ALPK3: variants seen among roughly 807,000 people sequenced by gnomAD.
ALPK3 encodes alpha-protein kinase 3.
Under a neutral mutation model 140.0 loss-of-function variants are expected in ALPK3, and 102 were observed. That is an observed-to-expected ratio of 0.73 (90% CI 0.62 to 0.86). ALPK3 has a LOEUF of 0.86. Among genes scored for constraint, ALPK3 ranks in the 40% least tolerant of loss-of-function variants. ALPK3 has a pLI of 0.00. For missense variants in ALPK3, 2,254 were observed against 2,208.2 expected (o/e 1.02, Z -0.42); for synonymous variants, 938 against 898.5 (o/e 1.04, Z -0.79).
rs748981859 is a variant in ALPK3, at chr15:84,840,807, GC to G, written c.1531del (p.Gln511ArgfsTer3). 6.2e-7 allele frequency: 1 copy of G among 1,614,232 alleles called. No individual in the cohort carries two copies. The highest frequency in any genetic ancestry group is 8.5e-7 in the Non-Finnish European group (1 of 1,180,038). ...TCTGAGTCAAGCTCCAGAATGCGGG[GC>G]CCAGAGCTTAGGAAAGGCCCCACCT... The part of the protein sequence containing the change: ...SSLSQAPECG[A>X]QSLGKAPPQA... On this transcript the variant is annotated frameshift_variant, in exon 5 of 14. Coordinates refer to ENST00000258888, the MANE Select transcript of ALPK3 (RefSeq NM_020778.5). LOFTEE classifies it high-confidence loss of function.
chr15:84,817,644 G>A (rs1219835004), intron 1 of ALPK3, 49 bp downstream of exon 1: 3 of 1,456,724 alleles, frequency 2.1e-6, no homozygotes, highest in Non-Finnish European at 2.7e-6. Context: ...GATGCCCTGG[G>A]ATCAGTCCCT....
chr15:84,836,948 G>C (rs1355870817), intron 3 of ALPK3, among the ~76,000 whole-genome samples: 1 of 152,214 alleles, frequency 6.6e-6, no homozygotes. Context: ...CAGCCAGAAA[G>C]AGCGGTGTCC....
At position 84,856,516 on chromosome 15, in the gene ALPK3, A is replaced by G; in HGVS notation, c.1778A>G (p.Gln593Arg). 6.2e-7 allele frequency: 1 copy of G among 1,614,186 alleles called. No homozygotes were observed. Residue 593 changes from glutamine to arginine, a missense_variant, in exon 6 of 14, where the codon CAG becomes CGG. Coordinates refer to ENST00000258888, the MANE Select transcript of ALPK3 (RefSeq NM_020778.5). ...ATTGAACCCATGGATATGGAAACCC[A>G]GGAGGATGGGAGAACATCTGCTAAC... The part of the protein sequence containing the change: ...GIIEPMDMET[Q>R]EDGRTSANQR...
At chr15:84,852,535 GC>G in intron 5 of ALPK3, 1 of 298,668 alleles carries the variant, frequency 3.3e-6, no homozygotes, top group Non-Finnish European at 6.6e-6. Flanking sequence ...ACCATCGAGT[GC>G]CATGGCATCC....
At chr15:84,853,507 G>A (rs1383555509) in intron 5 of ALPK3, among the ~76,000 whole-genome samples, 2 of 152,178 alleles carry the variant, frequency 1.3e-5, no homozygotes, top group African/African-American at 4.8e-5. Context: ...CCAGCTACTC[G>A]GGAGGCTAAG....
Position 84,857,951 on chromosome 15 carries a change from C to T in ALPK3, c.3213C>T (p.Val1071=). Residue 1071 remains valine, a synonymous_variant, in exon 6 of 14, where the codon GTC becomes GTT. Coordinates refer to ENST00000258888, the MANE Select transcript of ALPK3 (RefSeq NM_020778.5). ...SWGPGPSSLT[V]PAIVVDEEDP... ...GTCCTGGTCCCAGCTCCCTCACTGTCCCTGCCATTGTGGTAGACGAGGAGG... is the reference window on the plus strand; with the variant it reads ...GTCCTGGTCCCAGCTCCCTCACTGTTCCTGCCATTGTGGTAGACGAGGAGG... 1.2e-6 allele frequency: 2 copies of T among 1,609,580 alleles called. No homozygotes were observed. The highest frequency in any genetic ancestry group is 1.7e-6 in the Non-Finnish European group (2 of 1,178,366).
At chr15:84,856,162 T>C (rs1018672948) in intron 5 of ALPK3, among the ~76,000 whole-genome samples, 14 of 152,252 alleles carry the variant, frequency 9.2e-5, no homozygotes, top group African/African-American at 3.1e-4. Flanking sequence ...TGCTAGATAT[T>C]CCCCAGTCCA....
At chr15:84,822,951 G>A (rs1034463670) in intron 1 of ALPK3, among the ~76,000 whole-genome samples, 4 of 152,250 alleles carry the variant, frequency 2.6e-5, no homozygotes, top group African/African-American at 7.2e-5. Flanking sequence ...GCCAAGAATT[G>A]AAGCAGGAGC....
rs1389788696 is a variant in ALPK3, at chr15:84,840,698, G to A, written c.1419G>A (p.Gln473=). 6 of 1,609,986 alleles carry A rather than the reference G, an allele frequency of 3.7e-6. No individual in the cohort carries two copies. The highest frequency in any genetic ancestry group is 5.1e-6 in the Non-Finnish European group (6 of 1,177,938). The change falls in exon 5 of 14, where the codon CAG becomes CAA. Residue 473 remains glutamine (Q), a synonymous_variant. Coordinates refer to ENST00000258888, the MANE Select transcript of ALPK3 (RefSeq NM_020778.5). ...AGCCCACACACTCCTTGACCCCCCAGCCGACTAGGCCTTTCAACAGAAAGA... is the reference window on the plus strand; with the variant it reads ...AGCCCACACACTCCTTGACCCCCCAACCGACTAGGCCTTTCAACAGAAAGA... The part of the protein sequence containing the change: ...PGQPTHSLTP[Q]PTRPFNRKRF...
At chr15:84,822,218 G>A (rs986204633) in intron 1 of ALPK3, among the ~76,000 whole-genome samples, 17 of 152,174 alleles carry the variant, frequency 1.1e-4, no homozygotes, top group African/African-American at 4.1e-4. Context: ...CAAGGGCCAA[G>A]AATTGTGCGG....
chr15:84,864,856 T>C (rs548298527), intron 12 of ALPK3, among the ~76,000 whole-genome samples, 191 bp downstream of exon 12: 6 of 152,354 alleles, frequency 3.9e-5, no homozygotes, highest in Non-Finnish European at 8.8e-5. Context: ...ACATACCTCA[T>C]GTAGCCCAGT....
rs8040247 is a variant in ALPK3, at chr15:84,871,813, A to C, written c.*3357A>C. 0.81 allele frequency: 122,665 copies of C among 152,220 alleles called. 49,483 individuals are homozygous for C. The highest frequency in any genetic ancestry group is 0.95 in the East Asian group (4,903 of 5,180). 9.4% of individuals were successfully genotyped at this position (152,220 alleles called of 1,614,324 possible). On this transcript the variant is annotated 3_prime_UTR_variant, in exon 14 of 14. Coordinates refer to ENST00000258888, the MANE Select transcript of ALPK3 (RefSeq NM_020778.5). Reference sequence around the variant, plus strand: ...AATGCCTGCCCATCAACCCGTTACTATTCTTTTAGCTGTAAAGTGAATTCT... The same window carrying C: ...AATGCCTGCCCATCAACCCGTTACTCTTCTTTTAGCTGTAAAGTGAATTCT...
At chr15:84,855,583 A>G (rs1227152192) in intron 5 of ALPK3, among the ~76,000 whole-genome samples, 3 of 152,218 alleles carry the variant, frequency 2.0e-5, no homozygotes, top group Non-Finnish European at 2.9e-5. Flanking sequence ...GCGTTATGGT[A>G]TAACAACAAA....
intron 13 of ALPK3, 106 bp downstream of exon 13, chr15:84,867,471 A>G (rs1964014625): frequency 5.3e-6 from 7 of 1,311,390 alleles, no homozygotes; most frequent in Middle Eastern, 2.1e-4. Context: ...CCTGGGGCCA[A>G]GTGGTCCCAG....
chr15:84,858,576 G>A, intron 6 of ALPK3, 21 bp downstream of exon 6: 7 of 1,557,898 alleles, frequency 4.5e-6, no homozygotes, highest in Non-Finnish European at 5.2e-6. Context: ...GGGAGGGAGA[G>A]GGATGGCTTC....
In ALPK3 at chr15:84,857,331, C is replaced by A; in HGVS notation, c.2593C>A (p.Pro865Thr). ...CPLAGLSQEVPTMPSLPGTGL... is the reference protein window; with the variant it reads ...CPLAGLSQEVTTMPSLPGTGL... ...TCTAGCTGGCCTGAGCCAGGAGGTA[C>A]CCACGATGCCTTCTCTTCCTGGAAC... Residue 865 changes from proline (P) to threonine (T), a missense_variant, in exon 6 of 14, where the codon CCC (proline) becomes ACC (threonine). Physicochemically the swap from Pro to Thr is conservative, Grantham distance 38 (BLOSUM62 -1). Coordinates refer to ENST00000258888, the MANE Select transcript of ALPK3 (RefSeq NM_020778.5). 1 of 1,614,150 alleles carries A rather than the reference C, an allele frequency of 6.2e-7. No individual in the cohort carries two copies. The highest frequency in any genetic ancestry group is 8.5e-7 in the Non-Finnish European group (1 of 1,180,030).
chr15:84,840,647 C>G lies in ALPK3; in HGVS notation c.1368C>G (p.Ser456Arg), dbSNP rs375574739. ...GGAAGGCACCCCTCAGGGCTAGAAG[C>G]GAGGGGGTGCCTGGCGCTCCTGGCC... ...PKGKAPLRARSEGVPGAPGQP... is the reference protein window; with the variant it reads ...PKGKAPLRARREGVPGAPGQP... Residue 456 changes from serine to arginine, a missense_variant, in exon 5 of 14, where the codon AGC becomes AGG. Physicochemically the swap from Ser to Arg is moderately radical, Grantham distance 110. This residue lies in a region of ALPK3 where 2,088 missense variants were observed against 2,022.9 expected (regional missense o/e 1.03). Coordinates refer to ENST00000258888, the MANE Select transcript of ALPK3 (RefSeq NM_020778.5). 35 of 1,574,046 alleles carry G rather than the reference C, an allele frequency of 2.2e-5. No homozygotes were observed. The African/African-American group carries it at 2.6e-4, about 12-fold the overall frequency.
In ALPK3 at chr15:84,857,609, A is replaced by G. The variant is rs762862684; in HGVS notation, c.2871A>G (p.Ile957Met). ...CCCGGAGCTGTGACCCTGGCCTCAT[A>G]GATTCCCTGAAGAACTACCTGCTTC... ...PGPRSCDPGL[I>M]DSLKNYLLLL... The change falls in exon 6 of 14, where the codon ATA (isoleucine) becomes ATG (methionine). Residue 957 changes from isoleucine (I) to methionine (M), a missense_variant. By Grantham distance (10) the Ile-to-Met change is conservative. Around this residue, in one of 3 missense-constraint regions of ALPK3, gnomAD observed 2,088 missense variants for 2,022.9 expected, o/e 1.03. Coordinates refer to ENST00000258888, the MANE Select transcript of ALPK3 (RefSeq NM_020778.5). 2 of 1,576,340 alleles carry G rather than the reference A, an allele frequency of 1.3e-6. No homozygotes were observed. Among genetic ancestry groups the G allele is most frequent in the South Asian group, 2.3e-5 (2 of 85,678 alleles).
intron 5 of ALPK3, 88 bp from the exon 6 acceptor site, chr15:84,856,301 AGAT>A: frequency 6.6e-7 from 1 of 1,506,088 alleles, no homozygotes; most frequent in African/African-American, 1.4e-5. Flanking sequence ...GAGCAGTTGT[AGAT>A]GAGGTCCGAG....
Sources: allele counts gnomAD v4.1 joint callset (sites outside exome capture counted in the v4.1 genomes callset), GRCh38; gene constraint gnomAD v4.1.1; regional missense constraint gnomAD v4.1.1; transcripts MANE v1.5; gene names NCBI Gene and HGNC (gene_info 2026-07-23, HGNC 2026-07-21).